The following HDAC4 variants were observed in gnomAD, a reference collection of about 807,000 sequenced individuals.
HDAC4 encodes the protein histone deacetylase 4.
HDAC4 carries 16 observed loss-of-function variants against 135.1 expected under a neutral mutation model. That is an observed-to-expected ratio of 0.12 (90% CI 0.08 to 0.18). HDAC4 has a LOEUF of 0.18. HDAC4 is among the 10% of genes least tolerant of loss of function. HDAC4 has a pLI of 1.00. For missense variants in HDAC4, 1,143 were observed against 1,511.8 expected (o/e 0.76, Z 4.05); for synonymous variants, 685 against 653.4 (o/e 1.05, Z -0.74).
chr2:239,267,136 A>T (rs76530695), intron 2 of HDAC4, among the ~76,000 whole-genome samples: 18,793 of 152,194 alleles, frequency 0.12, 1,358 homozygotes, highest in African/African-American at 0.18. Context: ...GGCACTGGAC[A>T]CATTACTTGA....
intron 7 of HDAC4, among the ~76,000 whole-genome samples, chr2:239,153,691 C>T (rs1470328385): frequency 1.3e-5 from 2 of 152,144 alleles, no homozygotes; most frequent in African/African-American, 4.8e-5. Context: ...ATAACATTTC[C>T]CGGAGTGTGA....
intron 1 of HDAC4, among the ~76,000 whole-genome samples, chr2:239,397,617 G>A (rs1024026064): frequency 3.3e-5 from 5 of 152,168 alleles, no homozygotes; most frequent in East Asian, 3.9e-4. Context: ...GCTGCAGCAA[G>A]GGGACATGGC....
At chr2:239,390,558 G>T (rs1046641024) in intron 1 of HDAC4, among the ~76,000 whole-genome samples, 3 of 151,196 alleles carry the variant, frequency 2.0e-5, no homozygotes, top group Admixed American at 2.0e-4. Flanking sequence ...TGTCTCAAAA[G>T]ATATATATAT....
rs1187117707 is a variant in HDAC4, at chr2:239,299,769, G to A, written c.22+52909C>T. On this transcript the variant is annotated intron_variant, in intron 2 of 26. Transcript: ENST00000543185. This position sits in a 1 kb window ranked among gnomAD's most constrained non-coding sequence, Gnocchi z 4.0. Reference sequence around the variant, plus strand: ...CCAGCACAGTCCAGCTGGGGCCCAGGGACTGGCACAGCTGTTCCGCTCTGC... The same window carrying A: ...CCAGCACAGTCCAGCTGGGGCCCAGAGACTGGCACAGCTGTTCCGCTCTGC... 6.6e-6 allele frequency among the ~76,000 whole-genome samples: 1 copy of A among 152,158 alleles called. No individual in the cohort carries two copies. The highest frequency in any genetic ancestry group is 1.9e-4 in the East Asian group (1 of 5,186).
chr2:239,141,861 C>T lies in HDAC4; in HGVS notation c.866-2065G>A, dbSNP rs1047353906. Among the ~76,000 whole-genome samples the T allele has an allele frequency of 6.6e-6, 1 of 152,172 alleles. No homozygotes were observed. Among genetic ancestry groups the T allele is most frequent in the Non-Finnish European group, 1.5e-5 (1 of 68,012 alleles). On this transcript the variant is annotated intron_variant, in intron 8 of 26. Coordinates refer to ENST00000543185, the MANE Select transcript of HDAC4 (RefSeq NM_001378414.1). This position sits in a 1 kb window ranked among gnomAD's most constrained non-coding sequence, Gnocchi z 4.9. ...GAGGTTAATTTTATTTTTTTGCATTCTACTTCCAGGAATAGGTCTAAGAAA... is the reference window on the plus strand; with the variant it reads ...GAGGTTAATTTTATTTTTTTGCATTTTACTTCCAGGAATAGGTCTAAGAAA...
chr2:239,123,695 G>A (rs1299928475), intron 12 of HDAC4, among the ~76,000 whole-genome samples: 1 of 152,218 alleles, frequency 6.6e-6, no homozygotes, highest in Non-Finnish European at 1.5e-5. Flanking sequence ...CTTCTGGGCT[G>A]GAACTGTGGG....
At chr2:239,209,637 G>A (rs1368734370) in intron 3 of HDAC4, among the ~76,000 whole-genome samples, 1 of 152,154 alleles carries the variant, frequency 6.6e-6, no homozygotes, top group Non-Finnish European at 1.5e-5. Context: ...TGCTTCTTAC[G>A]ACAAAATATG....
chr2:239,207,197 A>G (rs777517171), intron 3 of HDAC4, among the ~76,000 whole-genome samples: 5 of 152,222 alleles, frequency 3.3e-5, no homozygotes, highest in Non-Finnish European at 5.9e-5. Context: ...GTTAAAAAGA[A>G]TAAGAATGAA....
intron 24 of HDAC4, among the ~76,000 whole-genome samples, chr2:239,065,776 G>A (rs527664229): frequency 3.8e-4 from 58 of 152,308 alleles, no homozygotes; most frequent in African/African-American, 1.2e-3. Context: ...AGTCCCCCAC[G>A]TGCCAGCTGG....
chr2:239,280,433 A>C (rs947739552), intron 2 of HDAC4, among the ~76,000 whole-genome samples: 9 of 152,304 alleles, frequency 5.9e-5, no homozygotes, highest in Admixed American at 5.9e-4. Context: ...TTGAGTCAGC[A>C]TGACTCAGCC....
chr2:239,233,606 G>A (rs2047723422), intron 3 of HDAC4, among the ~76,000 whole-genome samples: 1 of 152,176 alleles, frequency 6.6e-6, no homozygotes, highest in African/African-American at 2.4e-5. Flanking sequence ...CGAATACATG[G>A]TATGAATAAT....
At position 239,141,473 on chromosome 2, in the gene HDAC4, G is replaced by A. The variant is rs1002139362; in HGVS notation, c.866-1677C>T. On this transcript the variant is annotated intron_variant, in intron 8 of 26. Coordinates refer to ENST00000543185, the MANE Select transcript of HDAC4 (RefSeq NM_001378414.1). This position sits in a 1 kb window ranked among gnomAD's most constrained non-coding sequence, Gnocchi z 4.9. ...CTTCCACCAGACACTAACTCCAGAG[G>A]TAGGCTTCTCCCGCTGCCGAGGCCA... 1.3e-5 allele frequency among the ~76,000 whole-genome samples: 2 copies of A among 152,128 alleles called. No individual in the cohort carries two copies. Among genetic ancestry groups the A allele is most frequent in the African/African-American group, 2.4e-5 (1 of 41,426 alleles).
intron 3 of HDAC4, among the ~76,000 whole-genome samples, chr2:239,222,207 C>T (rs550200841): frequency 4.6e-4 from 70 of 152,202 alleles, no homozygotes; most frequent in Non-Finnish European, 7.6e-4. Context: ...TCCCTGGGTG[C>T]TGGCCGTACC....
At chr2:239,292,452 C>T (rs1458044503) in intron 2 of HDAC4, among the ~76,000 whole-genome samples, 1 of 152,196 alleles carries the variant, frequency 6.6e-6, no homozygotes, top group Non-Finnish European at 1.5e-5. Context: ...CCATCTGGAG[C>T]ACAGAGCCAA....
rs149719633 is a variant in HDAC4 at position 239,081,145 on chromosome 2, G to A, written c.2700C>T (p.Thr900=). The A allele has an allele frequency of 1.5e-4, 243 of 1,613,910 alleles. No individual in the cohort carries two copies. The highest frequency in any genetic ancestry group is 1.9e-4 in the Non-Finnish European group (229 of 1,180,034). Residue 900 remains threonine, a synonymous_variant, in exon 22 of 27, where the codon ACC becomes ACT. Transcript: ENST00000543185. ...CTCCCATGGGGGGGTCCAGGCCGCC[G>A]GTGAAAGCCATGTTGACGTTGAAAC... ...GVGFNVNMAF[T]GGLDPPMGDA... is the part of the protein sequence containing the mutation.
At chr2:239,236,327 T>C (rs2047883947) in intron 3 of HDAC4, among the ~76,000 whole-genome samples, 1 of 152,082 alleles carries the variant, frequency 6.6e-6, no homozygotes. Flanking sequence ...GTTGGTGCCT[T>C]TGGGAAGAAC....
rs1484850193 is a variant in HDAC4, at chr2:239,341,416, G to A, written c.22+11262C>T. Among the ~76,000 whole-genome samples, 5 of 152,216 alleles carry A rather than the reference G, an allele frequency of 3.3e-5. No homozygotes were observed. The East Asian group carries it at 9.6e-4, about 29-fold the overall frequency. On this transcript the variant is annotated intron_variant, in intron 2 of 26. Transcript: ENST00000543185. ...AGGGCTGGAAGAATCAGCCCCACCT[G>A]ATTTGGATTCAGTCCATGTGAAAAC...
intron 2 of HDAC4, among the ~76,000 whole-genome samples, chr2:239,250,307 A>G (rs1335061899): frequency 6.6e-6 from 1 of 152,216 alleles, no homozygotes; most frequent in East Asian, 1.9e-4. Context: ...TGATAACATC[A>G]CTGTGTCTTC....
intron 2 of HDAC4, among the ~76,000 whole-genome samples, chr2:239,348,965 G>A (rs1287797400): frequency 1.3e-5 from 2 of 152,228 alleles, no homozygotes; most frequent in Middle Eastern, 3.2e-3. Flanking sequence ...ACAGAACACA[G>A]GAGAGGAAAG....
Sources: allele counts gnomAD v4.1 joint callset (sites outside exome capture counted in the v4.1 genomes callset), GRCh38; gene constraint gnomAD v4.1.1; non-coding constraint Gnocchi (gnomAD v3.1); transcripts MANE v1.5; gene names NCBI Gene and HGNC (gene_info 2026-07-23, HGNC 2026-07-21).